Variants in CSF2RA observed in about 807,000 individuals in gnomAD.
The protein encoded by CSF2RA is colony stimulating factor 2 receptor subunit alpha.
Under a neutral mutation model 51.6 loss-of-function variants are expected in CSF2RA, and 42 were observed. The ratio of observed to expected loss-of-function variants is 0.81; its 90% CI spans 0.64 to 1.05. The LOEUF is 1.05. CSF2RA is among the 50% of genes least tolerant of loss of function. The probability of loss-of-function intolerance (pLI) is 0.00; values close to 1 mark genes in which losing one functional copy is unlikely to be tolerated. For synonymous variants in CSF2RA, 222 were observed against 193.0 expected (o/e 1.15, Z -1.24); for missense variants, 530 against 501.1 (o/e 1.06, Z -0.55).
At position 1,274,808 on chromosome X, in the gene CSF2RA, C is replaced by G; in HGVS notation, c.-37C>G. 4.4e-6 allele frequency: 2 copies of G among 453,452 alleles called. No homozygotes were observed. The highest frequency in any genetic ancestry group is 8.8e-6 in the Non-Finnish European group (2 of 226,708). 28.1% of individuals were successfully genotyped at this position (453,452 alleles called of 1,614,324 possible). ...CAGATCCGAGAAGCGGCGATGTTTGCGTAGAACCCTGTACGTGCTTCCTTC... is the reference window on the plus strand; with the variant it reads ...CAGATCCGAGAAGCGGCGATGTTTGGGTAGAACCCTGTACGTGCTTCCTTC... On this transcript the variant is annotated 5_prime_UTR_variant, in exon 2 of 13. Coordinates refer to ENST00000381529, the MANE Select transcript of CSF2RA (RefSeq NM_172245.4).
At chrX:1,314,101 G>A (rs2084304035), downstream of CSF2RA, among the ~76,000 whole-genome samples, 1 of 152,156 alleles carries the variant, frequency 6.6e-6, no homozygotes, top group Admixed American at 6.5e-5. Context: ...GAAGGCTGTG[G>A]CGATCAGCCC....
downstream of CSF2RA, among the ~76,000 whole-genome samples, chrX:1,314,813 C>A (rs1419504676): frequency 9.5e-5 from 7 of 73,966 alleles, no homozygotes; most frequent in African/African-American, 2.3e-4. Context: ...CTGCCCAACC[C>A]CACTGTGCCT....
At chrX:1,318,848 C>T in the CSF2RA span, among the ~76,000 whole-genome samples, 272 of 146,484 alleles carry the variant, frequency 1.9e-3, 3 homozygotes, top group Middle Eastern at 0.019. Flanking sequence ...ACCCGGGAGG[C>T]GGAGCTTGCA....
the CSF2RA span, among the ~76,000 whole-genome samples, chrX:1,315,652 G>A: frequency 7.9e-5 from 12 of 152,062 alleles, no homozygotes; most frequent in African/African-American, 1.7e-4. Flanking sequence ...TGATCTGCCC[G>A]CCTCAGCCTC....
At chrX:1,284,280 T>TGCAG (rs1341723643) in intron 3 of CSF2RA, among the ~76,000 whole-genome samples, 1 of 147,148 alleles carries the variant, frequency 6.8e-6, no homozygotes, top group Non-Finnish European at 1.5e-5. Context: ...CTCGGCTCAC[T>TGCAG]GCAGCCTCAG....
chrX:1,322,969 A>C, the CSF2RA span, among the ~76,000 whole-genome samples: 1 of 150,550 alleles, frequency 6.6e-6, no homozygotes, highest in Non-Finnish European at 1.5e-5. Context: ...CTCTACTAAA[A>C]ATACAAAAAA....
intron 12 of CSF2RA, among the ~76,000 whole-genome samples, chrX:1,308,930 C>T (rs1237695904): frequency 6.6e-6 from 1 of 152,130 alleles, no homozygotes; most frequent in Non-Finnish European, 1.5e-5. Flanking sequence ...AGATCTTTAC[C>T]CCAGGAAAAA....
At chrX:1,324,160 G>C in the CSF2RA span, among the ~76,000 whole-genome samples, 2 of 151,500 alleles carry the variant, frequency 1.3e-5, no homozygotes, top group Non-Finnish European at 2.9e-5. Context: ...ACTCCAGCCT[G>C]GGTGACAGAG....
At chrX:1,318,520 C>G in the CSF2RA span, among the ~76,000 whole-genome samples, 2 of 151,976 alleles carry the variant, frequency 1.3e-5, no homozygotes, top group Non-Finnish European at 2.9e-5. Context: ...CCTCTTACCC[C>G]CAGGCCGTTG....
chrX:1,302,212 G>C (rs144796055), intron 10 of CSF2RA, among the ~76,000 whole-genome samples: 10 of 152,036 alleles, frequency 6.6e-5, no homozygotes, highest in Non-Finnish European at 1.5e-4. Flanking sequence ...CACCCTGCCC[G>C]TCCGGGGAAG....
chrX:1,314,636 T>C (rs183300484), downstream of CSF2RA, among the ~76,000 whole-genome samples: 16 of 784 alleles, frequency 0.02, 2 homozygotes, highest in Admixed American at 0.05. Flanking sequence ...CTGAACCTGC[T>C]CAACCCCACT....
downstream of CSF2RA, among the ~76,000 whole-genome samples, chrX:1,315,003 C>CCACTGCACCTGCCCAACCA (rs1242382389): frequency 1.1e-4 from 8 of 69,608 alleles, 1 homozygote; most frequent in African/African-American, 3.3e-4. Context: ...CTGCCCAACC[C>CCACTGCACCTGCCCAACCA]CACTGCACCT....
chrX:1,321,555 A>G, the CSF2RA span, among the ~76,000 whole-genome samples: 363 of 150,738 alleles, frequency 2.4e-3, 1 homozygote, highest in African/African-American at 8.4e-3. Context: ...AGCCTGGGGG[A>G]CAGAGCGAGA....
At chrX:1,314,307 G>GCCTAACCGCACTGCA (rs2084341789), downstream of CSF2RA, among the ~76,000 whole-genome samples, 1 of 30,336 alleles carries the variant, frequency 3.3e-5, no homozygotes, top group African/African-American at 1.7e-4. Flanking sequence ...ACCACTCTGT[G>GCCTAACCGCACTGCA]CCTGCCCAAC....
At chrX:1,291,314 C>T (rs1339457973) in intron 7 of CSF2RA, among the ~76,000 whole-genome samples, 1 of 146,184 alleles carries the variant, frequency 6.8e-6, no homozygotes, top group Admixed American at 6.9e-5. Flanking sequence ...TCCCTCCCTC[C>T]TTTCCTTCCT....
the CSF2RA span, among the ~76,000 whole-genome samples, chrX:1,324,454 A>G: frequency 1.7e-4 from 4 of 23,714 alleles, no homozygotes; most frequent in African/African-American, 2.4e-4. Flanking sequence ...AAGAAAGAAA[A>G]AGAAAGAGAA....
intron 7 of CSF2RA, chrX:1,294,054 C>A: frequency 4.0e-6 from 1 of 248,282 alleles, no homozygotes. Context: ...GCACCACCTC[C>A]ACCTGGACCG....
the CSF2RA span, among the ~76,000 whole-genome samples, chrX:1,322,914 G>A: frequency 1.3e-5 from 2 of 151,430 alleles, no homozygotes; most frequent in African/African-American, 4.9e-5. Context: ...CAGATCACGA[G>A]GTCAGGAGAT....
chrX:1,305,611 T>A (rs771664216), intron 12 of CSF2RA, 84 bp downstream of exon 12: 1 of 1,613,778 alleles, frequency 6.2e-7, no homozygotes, highest in Non-Finnish European at 8.5e-7. Flanking sequence ...GTGTCGACCA[T>A]CTTGCTTCTC....
Sources: gnomAD v4.1 joint callset for allele counts (sites outside exome capture counted in the v4.1 genomes callset) on GRCh38, gnomAD v4.1.1 for gene constraint, MANE v1.5 for transcripts, NCBI Gene and HGNC (gene_info 2026-07-23, HGNC 2026-07-21) for gene names.